The following TTL variants were observed in gnomAD, a reference collection of about 807,000 sequenced individuals.
The protein encoded by TTL is tubulin tyrosine ligase.
A neutral mutation model predicts 41.1 loss-of-function variants in TTL; 10 were observed. The observed-to-expected ratio is 0.24, with a 90% confidence interval of 0.15 to 0.41. TTL has a LOEUF of 0.41. Ranked by LOEUF, TTL falls within the 10% of genes least tolerant of loss-of-function variation. The pLI is 1.00. For synonymous variants in TTL, 175 were observed against 175.5 expected (o/e 1.00, Z 0.02); for missense variants, 367 against 460.4 (o/e 0.80, Z 1.86).
At chr2:112,520,678 G>C (rs1682201812) in intron 6 of TTL, 1 of 437,034 alleles carries the variant, frequency 2.3e-6, no homozygotes, top group Non-Finnish European at 4.2e-6. Flanking sequence ...GGCCAAGACA[G>C]GTAGACTGTC....
chr2:112,487,660 A>G (rs967260262), intron 2 of TTL, among the ~76,000 whole-genome samples: 2 of 152,144 alleles, frequency 1.3e-5, no homozygotes, highest in Non-Finnish European at 2.9e-5. Context: ...TAAAATGGGG[A>G]TGGATGGTGG....
At chr2:112,516,325 C>G (rs1353622474) in intron 5 of TTL, among the ~76,000 whole-genome samples, 3 of 152,092 alleles carry the variant, frequency 2.0e-5, no homozygotes, top group Non-Finnish European at 2.9e-5. Flanking sequence ...AAGGATATCC[C>G]ATTGACCCAG....
intron 6 of TTL, among the ~76,000 whole-genome samples, chr2:112,527,823 A>G (rs897247835): frequency 6.6e-6 from 1 of 152,136 alleles, no homozygotes; most frequent in Non-Finnish European, 1.5e-5. Flanking sequence ...CTTAAGGTTA[A>G]TATTGTTATA....
At position 112,530,863 on chromosome 2, in the gene TTL, T is replaced by A. The variant is rs527667448; in HGVS notation, c.*2068T>A. 108 of 185,200 alleles carry A rather than the reference T, an allele frequency of 5.8e-4. 1 individual carries two copies. The highest frequency in any genetic ancestry group is 2.1e-3 in the African/African-American group (90 of 42,718). The allele number at this position is 185,200 out of a possible 1,614,324, so 11.5% of individuals were successfully genotyped here. ...AGTTATGCCTCATTCCTCATGTGGC[T>A]TCCAATAAGTATCTTAGGAACTTAT... On this transcript the variant is annotated 3_prime_UTR_variant, in exon 7 of 7. Coordinates refer to ENST00000233336, the MANE Select transcript of TTL (RefSeq NM_153712.5).
chr2:112,497,523 G>T (rs1681567405), intron 3 of TTL, among the ~76,000 whole-genome samples: 1 of 152,020 alleles, frequency 6.6e-6, no homozygotes, highest in Non-Finnish European at 1.5e-5. Context: ...GGTATAAAAC[G>T]ATACATAAAA....
chr2:112,494,016 A>C (rs1681461374), intron 2 of TTL, 127 bp from the exon 3 acceptor site: 10 of 681,712 alleles, frequency 1.5e-5, no homozygotes, highest in Non-Finnish European at 1.3e-5. Flanking sequence ...AAGAGCAAAT[A>C]GAGATGTTAG....
At chr2:112,492,588 G>A (rs1681418066) in intron 2 of TTL, among the ~76,000 whole-genome samples, 1 of 152,184 alleles carries the variant, frequency 6.6e-6, no homozygotes, top group South Asian at 2.1e-4. Flanking sequence ...AAAATTAGCT[G>A]GGCGTGGTGG....
chr2:112,526,247 CT>C (rs527928753), intron 6 of TTL, among the ~76,000 whole-genome samples: 2 of 151,906 alleles, frequency 1.3e-5, no homozygotes, highest in African/African-American at 4.8e-5. Flanking sequence ...CTAAAATTGT[CT>C]TTTTTTTGTT....
chr2:112,521,469 T>A (rs1316346674), intron 6 of TTL: 1 of 604,066 alleles, frequency 1.7e-6, no homozygotes, highest in Non-Finnish European at 2.1e-6. Flanking sequence ...GGTTCCCATC[T>A]ACATCTTGAA....
At chr2:112,528,319 G>T (rs1035793887) in intron 6 of TTL, among the ~76,000 whole-genome samples, 3 of 152,312 alleles carry the variant, frequency 2.0e-5, no homozygotes, top group East Asian at 1.9e-4. Flanking sequence ...AAGAAAAACT[G>T]CCAGGCACGG....
intron 5 of TTL, 47 bp downstream of exon 5, chr2:112,503,228 G>C (rs1021935863): frequency 3.8e-5 from 57 of 1,484,724 alleles, no homozygotes; most frequent in Non-Finnish European, 5.1e-5. Context: ...TCTTGAAGGA[G>C]CTTTGGCGTC....
Position 112,533,133 on chromosome 2 carries a change from G to A in TTL, c.*4338G>A, listed in dbSNP as rs1042068315. 6.6e-6 allele frequency: 1 copy of A among 152,262 alleles called. No homozygotes were observed. Among genetic ancestry groups the A allele is most frequent in the African/African-American group, 2.4e-5 (1 of 41,460 alleles). 9.4% of individuals were successfully genotyped at this position (152,262 alleles called of 1,614,324 possible). A position where few individuals can be genotyped will look rare whatever the true frequency, so the allele number is the denominator to read the frequency against. On this transcript the variant is annotated 3_prime_UTR_variant, in exon 7 of 7. Transcript: ENST00000233336. ...CCTTTGTATGGCTGGCCTGCCTTCTGTGGCTGCTTCCACTTCATAAATATA... is the reference window on the plus strand; with the variant it reads ...CCTTTGTATGGCTGGCCTGCCTTCTATGGCTGCTTCCACTTCATAAATATA...
At chr2:112,498,385 G>A (rs548684789) in intron 3 of TTL, among the ~76,000 whole-genome samples, 1 of 152,168 alleles carries the variant, frequency 6.6e-6, no homozygotes, top group South Asian at 2.1e-4. Context: ...TGATGCTTGG[G>A]TATAAATTTA....
intron 6 of TTL, chr2:112,521,340 A>G (rs1682221607): frequency 2.0e-6 from 2 of 985,262 alleles, no homozygotes; most frequent in Non-Finnish European, 2.4e-6. Context: ...GGAGGAAGGA[A>G]GGTAAGAGAG....
At position 112,528,836 on chromosome 2, in the gene TTL, C is replaced by G. The variant is rs757916179; in HGVS notation, c.*41C>G. The stretch of plus-strand genomic sequence containing the variant: ...GCTGCCTTGGAAAAAGCACGGGGTC[C>G]TGCTCCAGGGAATGGTGAAATGACT... On this transcript the variant is annotated 3_prime_UTR_variant, in exon 7 of 7. Coordinates refer to ENST00000233336, the MANE Select transcript of TTL (RefSeq NM_153712.5). 2.1e-6 allele frequency: 3 copies of G among 1,461,070 alleles called. No homozygotes were observed. The South Asian group carries it at 3.4e-5, about 17-fold the overall frequency. 90.5% of individuals were successfully genotyped at this position (1,461,070 alleles called of 1,614,324 possible).
Position 112,536,160 on chromosome 2 carries a change from C to T in TTL, c.*7365C>T, listed in dbSNP as rs1682593794. On this transcript the variant is annotated 3_prime_UTR_variant, in exon 7 of 7. Coordinates refer to ENST00000233336, the MANE Select transcript of TTL (RefSeq NM_153712.5). ...CTTTATCCATTCATCTGCTGATGGA[C>T]ACTTAGGTCGCTTCCAAATCTTGGC... 1 of 152,172 alleles carries T rather than the reference C, an allele frequency of 6.6e-6. No individual in the cohort carries two copies. Among genetic ancestry groups the T allele is most frequent in the Admixed American group, 6.5e-5 (1 of 15,280 alleles). 9.4% of individuals were successfully genotyped at this position (152,172 alleles called of 1,614,324 possible).
chr2:112,514,254 C>G (rs1574067281), intron 5 of TTL, among the ~76,000 whole-genome samples: 2 of 151,938 alleles, frequency 1.3e-5, no homozygotes, highest in South Asian at 4.1e-4. Flanking sequence ...TGGTGGTGCA[C>G]ACCTGTGGTC....
chr2:112,492,934 T>G (rs912498463), intron 2 of TTL, among the ~76,000 whole-genome samples: 15 of 152,146 alleles, frequency 9.9e-5, no homozygotes, highest in East Asian at 7.7e-4. Flanking sequence ...AACTTTAAAT[T>G]CAGTTCCTGA....
At chr2:112,492,821 G>A (rs752786103) in intron 2 of TTL, among the ~76,000 whole-genome samples, 6 of 152,120 alleles carry the variant, frequency 3.9e-5, no homozygotes, top group Non-Finnish European at 5.9e-5. Flanking sequence ...AACCCGGGAG[G>A]TAGAGGTTGC....
Sources: gnomAD v4.1 joint callset for allele counts (sites outside exome capture counted in the v4.1 genomes callset) on GRCh38, gnomAD v4.1.1 for gene constraint, MANE v1.5 for transcripts, NCBI Gene and HGNC (gene_info 2026-07-23, HGNC 2026-07-21) for gene names.